LHPP: variants seen among roughly 807,000 people sequenced by gnomAD.
LHPP encodes the protein hLHPP.
In LHPP, 24 loss-of-function variants were observed where a neutral mutation model predicts 30.3. The observed-to-expected ratio is 0.79, with a 90% CI of 0.57 to 1.11. LHPP has a LOEUF of 1.11. Among genes scored for constraint, LHPP ranks in the 50% most tolerant of loss-of-function variants. The probability of loss-of-function intolerance (pLI) is 0.00; values close to 1 mark genes in which losing one functional copy is unlikely to be tolerated. For missense variants in LHPP, 356 were observed against 367.2 expected (o/e 0.97, Z 0.25); for synonymous variants, 150 against 157.1 (o/e 0.95, Z 0.34).
chr10:124,498,660 CTTTTTTTTT>C (rs552228070), intron 5 of LHPP: 33 of 354,338 alleles, frequency 9.3e-5, no homozygotes, highest in Non-Finnish European at 1.2e-4. Context: ...TTTTCTTTTT[CTTTTTTTTT>C]TTTTTTTTTT....
intron 6 of LHPP, among the ~76,000 whole-genome samples, chr10:124,564,623 C>A (rs558803833): frequency 1.0e-3 from 153 of 152,280 alleles, no homozygotes; most frequent in African/African-American, 3.5e-3. Flanking sequence ...ATGAACAGAG[C>A]CCCTGCTAGG....
intron 6 of LHPP, among the ~76,000 whole-genome samples, chr10:124,540,520 C>T (rs564255431): frequency 2.6e-5 from 4 of 152,358 alleles, no homozygotes; most frequent in East Asian, 3.9e-4. Context: ...AGCACAGCCT[C>T]GTGCTCCTGG....
At chr10:124,508,041 C>T (rs1954200722) in intron 5 of LHPP, among the ~76,000 whole-genome samples, 1 of 151,926 alleles carries the variant, frequency 6.6e-6, no homozygotes, top group South Asian at 2.1e-4. Context: ...CTCAAAGGTG[C>T]CCTACCATTT....
chr10:124,542,250 C>T (rs914870350), intron 6 of LHPP, among the ~76,000 whole-genome samples: 32 of 152,186 alleles, frequency 2.1e-4, no homozygotes, highest in African/African-American at 7.5e-4. Context: ...GGACTGTGAC[C>T]CCAGGCTGTG....
At chr10:124,565,159 G>A (rs1315527532) in intron 6 of LHPP, among the ~76,000 whole-genome samples, 1 of 152,152 alleles carries the variant, frequency 6.6e-6, no homozygotes, top group Non-Finnish European at 1.5e-5. Context: ...TTCACTCGCC[G>A]AAGCTCCCCT....
intron 5 of LHPP, among the ~76,000 whole-genome samples, chr10:124,507,674 G>T (rs201264623): frequency 0.19 from 813 of 4,352 alleles, 14 homozygotes; most frequent in Middle Eastern, 0.33. Context: ...ATTTCAGGTG[G>T]GGAGGGTAGA....
At chr10:124,574,129 T>G (rs995528850) in intron 6 of LHPP, among the ~76,000 whole-genome samples, 1 of 152,160 alleles carries the variant, frequency 6.6e-6, no homozygotes, top group African/African-American at 2.4e-5. Flanking sequence ...ATGTGTCATC[T>G]GCGTGCACAT....
rs904188524 is a variant in LHPP at position 124,461,990 on chromosome 10, G to A, written c.125+3G>A. ...GGCTCGGTGGAGGCGGTGGCCAGGT[G>A]AGTGGGCCCCGGGACGCCGCTGGGG... On this transcript the variant is annotated splice_donor_region_variant and intron_variant, in intron 1 of 6. Transcript: ENST00000368842. 1.6e-5 allele frequency: 19 copies of A among 1,213,816 alleles called. No homozygotes were observed. Among genetic ancestry groups the A allele is most frequent in the Non-Finnish European group, 2.0e-5 (19 of 974,282 alleles). The allele number at this position is 1,213,816 out of a possible 1,614,324, so 75.2% of individuals were successfully genotyped here.
intron 6 of LHPP, among the ~76,000 whole-genome samples, chr10:124,588,127 A>C (rs777389959): frequency 1.3e-5 from 2 of 152,212 alleles, no homozygotes; most frequent in African/African-American, 4.8e-5. Flanking sequence ...CCCACTGAAC[A>C]GACACTTGCT....
Position 124,484,277 on chromosome 10 carries a change from C to T in LHPP, c.264C>T (p.Cys88=). ...QEVTAPAPAA[C]QILKEQGLRP... The stretch of plus-strand genomic sequence containing the variant: ...TGACCGCCCCGGCACCAGCTGCCTG[C>T]CAGATCCTGAAGGAGCAAGGCCTGC... Residue 88 remains cysteine (C), a synonymous_variant, in exon 2 of 7, where the codon TGC becomes TGT. Transcript: ENST00000368842. 1 of 1,614,018 alleles carries T rather than the reference C, an allele frequency of 6.2e-7. No homozygotes were observed. Among genetic ancestry groups the T allele is most frequent in the Non-Finnish European group, 8.5e-7 (1 of 1,179,978 alleles).
Position 124,471,916 on chromosome 10 carries a change from G to T in LHPP, c.125+9929G>T, listed in dbSNP as rs542733743. On this transcript the variant is annotated intron_variant, in intron 1 of 6. Transcript: ENST00000368842. ...ACCCAGTAGCTGGGATTATAGGTGT[G>T]TGCCACCGTGTCTAGCTCAGAATGG... Among the ~76,000 whole-genome samples the T allele has an allele frequency of 5.3e-5, 8 of 150,656 alleles. No homozygotes were observed. In the South Asian group the frequency reaches 1.7e-3, roughly 32 times the overall value.
At chr10:124,482,740 CCT>C (rs1340810075) in intron 1 of LHPP, among the ~76,000 whole-genome samples, 2 of 152,140 alleles carry the variant, frequency 1.3e-5, no homozygotes, top group Admixed American at 6.5e-5. Flanking sequence ...ACACCCTGGC[CCT>C]CTCTCTTGCT....
At chr10:124,575,263 C>T (rs1401063897) in intron 6 of LHPP, among the ~76,000 whole-genome samples, 1 of 152,112 alleles carries the variant, frequency 6.6e-6, no homozygotes, top group Non-Finnish European at 1.5e-5. Context: ...AGAAGGGCAG[C>T]TTACCTCCTG....
chr10:124,481,105 G>A (rs1287954309), intron 1 of LHPP, among the ~76,000 whole-genome samples: 2 of 152,176 alleles, frequency 1.3e-5, no homozygotes, highest in Admixed American at 6.5e-5. Context: ...GGATGCCGTG[G>A]AGACCCGAAT....
chr10:124,545,274 G>T (rs1390453315), intron 6 of LHPP, among the ~76,000 whole-genome samples: 4 of 152,216 alleles, frequency 2.6e-5, no homozygotes, highest in Non-Finnish European at 5.9e-5. Flanking sequence ...TGGAAAGTGG[G>T]GGTGTAGTAT....
At chr10:124,567,756 C>T (rs557296506) in intron 6 of LHPP, among the ~76,000 whole-genome samples, 36 of 152,360 alleles carry the variant, frequency 2.4e-4, no homozygotes, top group African/African-American at 7.9e-4. Flanking sequence ...TGTACTTACA[C>T]ATGTGCACGC....
intron 2 of LHPP, among the ~76,000 whole-genome samples, chr10:124,485,130 C>A (rs1341474221): frequency 6.6e-6 from 1 of 151,938 alleles, no homozygotes. Flanking sequence ...CCCTGGAAAG[C>A]CTAGATGTCG....
chr10:124,465,584 GAAGT>G (rs1047850934), intron 1 of LHPP, among the ~76,000 whole-genome samples: 2 of 152,190 alleles, frequency 1.3e-5, no homozygotes, highest in Non-Finnish European at 2.9e-5. Context: ...CATGGAAGAG[GAAGT>G]GAGAGAGGCT....
At chr10:124,600,681 G>A (rs117989005) in intron 6 of LHPP, among the ~76,000 whole-genome samples, 1,570 of 152,286 alleles carry the variant, frequency 0.01, 29 homozygotes, top group Non-Finnish European at 0.017. Context: ...AGGCCAGGGC[G>A]CCAAGGCCCT....
Sources: gnomAD v4.1 joint callset for allele counts (sites outside exome capture counted in the v4.1 genomes callset) on GRCh38, gnomAD v4.1.1 for gene constraint, MANE v1.5 for transcripts, NCBI Gene and HGNC (gene_info 2026-07-23, HGNC 2026-07-21) for gene names.